The following CBY2 variants were observed in gnomAD, a reference collection of about 807,000 sequenced individuals.
The protein encoded by CBY2 is chibby family member 2.
A neutral mutation model predicts 25.3 loss-of-function variants in CBY2; 23 were observed. The ratio of observed to expected loss-of-function variants is 0.91; its 90% CI spans 0.65 to 1.29. The LOEUF is 1.29. Ranked by LOEUF, CBY2 falls within the 50% of genes most tolerant of loss-of-function variation. CBY2 has a pLI of 0.00. For synonymous variants in CBY2, 279 were observed against 260.2 expected (o/e 1.07, Z -0.70); for missense variants, 642 against 590.7 (o/e 1.09, Z -0.90).
In CBY2 at chr13:45,713,486, AC is replaced by A; in HGVS notation, c.463del (p.His155ThrfsTer75). The A allele has an allele frequency of 6.2e-7, 1 of 1,614,136 alleles. No individual in the cohort carries two copies. Among genetic ancestry groups the A allele is most frequent in the Non-Finnish European group, 8.5e-7 (1 of 1,180,008 alleles). On this transcript the variant is annotated frameshift_variant, in exon 3 of 3. Coordinates refer to ENST00000310521, the MANE Select transcript of CBY2 (RefSeq NM_152719.3). LOFTEE classifies it high-confidence loss of function. This position sits in a 1 kb window ranked among gnomAD's most constrained non-coding sequence, Gnocchi z 5.0. ...SPYFSPSASF[H>X]HKLHHKRLAK... ...TACTTCTCCCCATCCGCCTCCTTCCACCACAAGCTGCACCACAAGAGGCTGG... is the reference window on the plus strand; with the variant it reads ...TACTTCTCCCCATCCGCCTCCTTCCACACAAGCTGCACCACAAGAGGCTGG...
At chr13:45,703,850 C>G (rs1787142242) in intron 2 of CBY2, among the ~76,000 whole-genome samples, 1 of 152,176 alleles carries the variant, frequency 6.6e-6, no homozygotes, top group Non-Finnish European at 1.5e-5. Flanking sequence ...AACAAGATAA[C>G]AAGCTGTAGG....
At chr13:45,711,938 T>C (rs1405489571) in intron 2 of CBY2, among the ~76,000 whole-genome samples, 7 of 152,216 alleles carry the variant, frequency 4.6e-5, no homozygotes, top group African/African-American at 1.7e-4. Context: ...AGACTCTGCT[T>C]TGAGTCTAGC....
chr13:45,702,794 C>T lies in CBY2; in HGVS notation c.95C>T (p.Thr32Ile), dbSNP rs773624894. 3 of 1,613,984 alleles carry T rather than the reference C, an allele frequency of 1.9e-6. No homozygotes were observed. Among genetic ancestry groups the T allele is most frequent in the East Asian group, 2.2e-5 (1 of 44,884 alleles). The stretch of plus-strand genomic sequence containing the variant: ...CCACAGCACTCAAGGCCAAATTATA[C>T]AAGAAAAAGAGATACCAGATCTGAA... The part of the protein sequence containing the change: ...QLTLHSRPNY[T>I]RKRDTRSESL... Residue 32 changes from threonine to isoleucine, a missense_variant, in exon 2 of 3, where the codon ACA becomes ATA. Transcript: ENST00000310521.
intron 1 of CBY2, 124 bp from the exon 2 acceptor site, chr13:45,702,651 T>A: frequency 2.2e-6 from 2 of 911,524 alleles, no homozygotes; most frequent in East Asian, 2.5e-5. Flanking sequence ...CAGACTTTCA[T>A]AATTGTACAT....
At chr13:45,711,992 GAA>G (rs1285584881) in intron 2 of CBY2, among the ~76,000 whole-genome samples, 1 of 152,242 alleles carries the variant, frequency 6.6e-6, no homozygotes, top group Non-Finnish European at 1.5e-5. Flanking sequence ...GCTGCTAGCA[GAA>G]AAGACTCAAG....
At chr13:45,711,483 T>G (rs146455763) in intron 2 of CBY2, among the ~76,000 whole-genome samples, 1 of 152,150 alleles carries the variant, frequency 6.6e-6, no homozygotes, top group African/African-American at 2.4e-5. Flanking sequence ...AAAGTGCCCA[T>G]CAGTGACAAA....
intron 1 of CBY2, 100 bp from the exon 2 acceptor site, chr13:45,702,675 G>A: frequency 9.8e-7 from 1 of 1,020,308 alleles, no homozygotes; most frequent in South Asian, 1.4e-5. Context: ...TGACAAGAGA[G>A]AAATAAATGA....
intron 2 of CBY2, among the ~76,000 whole-genome samples, chr13:45,703,828 C>T (rs7995764): frequency 0.012 from 1,786 of 152,272 alleles, 47 homozygotes; most frequent in African/African-American, 0.04. Flanking sequence ...GATAACTTCC[C>T]CCTGATCATT....
chr13:45,712,196 G>T (rs1276741814), intron 2 of CBY2, among the ~76,000 whole-genome samples: 1 of 152,226 alleles, frequency 6.6e-6, no homozygotes, highest in African/African-American at 2.4e-5. Context: ...CTCCTTTAGG[G>T]TGACAGAATG....
rs772038223 is a variant in CBY2 at position 45,704,596 on chromosome 13, T to C, written c.156+1741T>C. Among the ~76,000 whole-genome samples the C allele has an allele frequency of 1.1e-4, 17 of 152,014 alleles. No individual in the cohort carries two copies. The highest frequency in any genetic ancestry group is 2.5e-4 in the Non-Finnish European group (17 of 67,982). ...GCTCACTCTACCTCCCTAAATGAGA[T>C]GGCACATGGCTTAGGGGACAGGGTT... On this transcript the variant is annotated intron_variant, in intron 2 of 2. Coordinates refer to ENST00000310521, the MANE Select transcript of CBY2 (RefSeq NM_152719.3). The surrounding 1 kb of genome is among the most constrained non-coding windows in gnomAD (Gnocchi z 4.1).
intron 1 of CBY2, 146 bp from the exon 2 acceptor site, chr13:45,702,629 T>C (rs1950216217): frequency 8.1e-6 from 7 of 859,202 alleles, no homozygotes; most frequent in Non-Finnish European, 9.5e-6. Flanking sequence ...CATCTACACG[T>C]TCTTTCAGAC....
intron 2 of CBY2, among the ~76,000 whole-genome samples, chr13:45,712,854 C>T (rs1212774342): frequency 3.3e-5 from 5 of 152,184 alleles, no homozygotes; most frequent in Non-Finnish European, 7.3e-5. Flanking sequence ...AATGAATCAA[C>T]AATACGCACT....
At chr13:45,703,490 G>T in intron 2 of CBY2, 2 of 1,550,022 alleles carry the variant, frequency 1.3e-6, no homozygotes, top group South Asian at 1.2e-5. Context: ...TGTCACAAAG[G>T]GGTGGCTTTG....
intron 2 of CBY2, chr13:45,703,313 C>A: frequency 7.2e-7 from 1 of 1,382,802 alleles, no homozygotes; most frequent in Non-Finnish European, 9.3e-7. Flanking sequence ...GAGAATTAAG[C>A]CCTGCTATGC....
chr13:45,713,073 C>T lies in CBY2; in HGVS notation c.157-109C>T, dbSNP rs955129452. On this transcript the variant is annotated intron_variant, in intron 2 of 2. Coordinates refer to ENST00000310521, the MANE Select transcript of CBY2 (RefSeq NM_152719.3). This position sits in a 1 kb window ranked among gnomAD's most constrained non-coding sequence, Gnocchi z 5.0. ...AGCAAAAGCGCCCACTGTGGCCAGG[C>T]CAGACAATCAGACGGGGCTTATTTG... 5 of 900,598 alleles carry T rather than the reference C, an allele frequency of 5.6e-6. No individual in the cohort carries two copies. The South Asian group carries it at 8.7e-5, about 16-fold the overall frequency. The allele number at this position is 900,598 out of a possible 1,614,324, so 55.8% of individuals were successfully genotyped here.
rs765448229 is a variant in CBY2 at position 45,713,498 on chromosome 13, A to T, written c.473A>T (p.His158Leu). 7.2e-5 allele frequency: 117 copies of T among 1,614,174 alleles called. 4 individuals carry two copies. The South Asian group carries it at 1.3e-3, about 17-fold the overall frequency. The change falls in exon 3 of 3, where the codon CAC (histidine) becomes CTC (leucine). Residue 158 changes from histidine to leucine, a missense_variant. His to Leu is a moderately conservative substitution (Grantham distance 99, BLOSUM62 -3). Coordinates refer to ENST00000310521, the MANE Select transcript of CBY2 (RefSeq NM_152719.3). The surrounding 1 kb of genome is among the most constrained non-coding windows in gnomAD (Gnocchi z 5.0). ...TCCGCCTCCTTCCACCACAAGCTGC[A>T]CCACAAGAGGCTGGCCAAGGAGTGC... ...SPSASFHHKL[H>L]HKRLAKECML...
rs143335236 is a variant in CBY2, at chr13:45,713,421, C to A, written c.396C>A (p.Asp132Glu). 53 of 1,614,098 alleles carry A rather than the reference C, an allele frequency of 3.3e-5. No individual in the cohort carries two copies. The highest frequency in any genetic ancestry group is 1.4e-5 in the Non-Finnish European group (17 of 1,180,046). Residue 132 changes from aspartate to glutamate, a missense_variant, in exon 3 of 3, where the codon GAC becomes GAA. Transcript: ENST00000310521. The surrounding 1 kb of genome is among the most constrained non-coding windows in gnomAD (Gnocchi z 5.0). ...QLSDEMFVFQ[D>E]GRWVNENCRL... ...GCGACGAGATGTTCGTGTTCCAGGA[C>A]GGGCGCTGGGTAAATGAGAACTGCC...
Position 45,714,291 on chromosome 13 carries a change from G to C in CBY2, c.1266G>C (p.Ala422=), listed in dbSNP as rs770612324. 2 of 1,613,048 alleles carry C rather than the reference G, an allele frequency of 1.2e-6. No individual in the cohort carries two copies. Among genetic ancestry groups the C allele is most frequent in the African/African-American group, 2.7e-5 (2 of 74,930 alleles). Residue 422 remains alanine, a synonymous_variant, in exon 3 of 3, where the codon GCG becomes GCC. Coordinates refer to ENST00000310521, the MANE Select transcript of CBY2 (RefSeq NM_152719.3). ...LVIDTVTEVT[A]RMEMLIEELY... ...TTGACACCGTGACCGAGGTCACCGC[G>C]CGCATGGAAATGCTCATCGAGGAGC... is the stretch of plus-strand genomic sequence containing the variant.
Position 45,713,275 on chromosome 13 carries a change from A to T in CBY2, c.250A>T (p.Met84Leu). The T allele has an allele frequency of 6.2e-7, 1 of 1,613,868 alleles. No individual in the cohort carries two copies. Among genetic ancestry groups the T allele is most frequent in the African/African-American group, 1.3e-5 (1 of 75,052 alleles). ...QAALPRLSRR[M>L]ASQHSYPLNR... is the part of the protein sequence containing the mutation. ...CGCCCTGCCCCGGCTGAGCCGCAGG[A>T]TGGCGAGCCAGCACTCCTATCCACT... Residue 84 changes from methionine (M) to leucine (L), a missense_variant, in exon 3 of 3, where the codon ATG becomes TTG. Transcript: ENST00000310521. The surrounding 1 kb of genome is among the most constrained non-coding windows in gnomAD (Gnocchi z 5.0).
Sources: gnomAD v4.1 joint callset for allele counts (sites outside exome capture counted in the v4.1 genomes callset) on GRCh38, gnomAD v4.1.1 for gene constraint, Gnocchi (gnomAD v3.1) non-coding constraint, MANE v1.5 for transcripts, NCBI Gene and HGNC (gene_info 2026-07-23, HGNC 2026-07-21) for gene names.